ZUP1: variants seen among roughly 807,000 people sequenced by gnomAD.
ZUP1 encodes zinc finger containing ubiquitin peptidase 1.
In ZUP1, 55 loss-of-function variants were observed where a neutral mutation model predicts 68.1. That is an observed-to-expected ratio of 0.81 (90% CI 0.65 to 1.01). The LOEUF is 1.01. ZUP1 is among the 50% of genes least tolerant of loss of function. ZUP1 has a pLI of 0.00. For synonymous variants in ZUP1, 223 were observed against 221.5 expected, an observed-to-expected ratio of 1.01 and a Z score of -0.06; for missense variants, 684 against 674.9, an observed-to-expected ratio of 1.01 and a Z score of -0.15.
At chr6:116,651,527 T>C (rs756615285) in intron 7 of ZUP1, 45 bp downstream of exon 7, 171 of 1,483,534 alleles carry the variant, frequency 1.2e-4, no homozygotes, top group Middle Eastern at 3.8e-4. Flanking sequence ...AAAACAAAGC[T>C]CCCCGATAAG....
chr6:116,639,044 C>A (rs2115377096), intron 9 of ZUP1, among the ~76,000 whole-genome samples: 1 of 152,382 alleles, frequency 6.6e-6, no homozygotes, highest in South Asian at 2.1e-4. Flanking sequence ...TATCCTGCAC[C>A]TGGCTCGGAG....
chr6:116,654,495 A>C (rs1313792738), intron 5 of ZUP1, among the ~76,000 whole-genome samples: 3 of 152,022 alleles, frequency 2.0e-5, no homozygotes, highest in African/African-American at 7.2e-5. Context: ...TGAAGAAAAC[A>C]TAAAGGTATA....
At chr6:116,653,421 G>T (rs1776573725) in intron 5 of ZUP1, among the ~76,000 whole-genome samples, 1 of 151,786 alleles carries the variant, frequency 6.6e-6, no homozygotes, top group Admixed American at 6.6e-5. Flanking sequence ...AATTCTTTTT[G>T]CTTGAATGAA....
intron 9 of ZUP1, among the ~76,000 whole-genome samples, chr6:116,644,639 T>C (rs1776230022): frequency 6.8e-6 from 1 of 146,642 alleles, no homozygotes. Context: ...AATTGAACAA[T>C]GAGAACACAT....
chr6:116,643,069 A>G (rs1438058151), intron 9 of ZUP1, among the ~76,000 whole-genome samples: 1 of 151,440 alleles, frequency 6.6e-6, no homozygotes, highest in Non-Finnish European at 1.5e-5. Context: ...CCAAATCATG[A>G]GTGAACTCCC....
rs773475871 is a variant in ZUP1 at position 116,635,876 on chromosome 6, T to C, written c.1693A>G (p.Arg565Gly). ...GTAAAGACTTGAGAAGCTTGTCTCC[T>C]GGCCTTGAAAAGAAATTTTAAAAAA... The part of the protein sequence containing the change: ...GALSLEEKLA[R>G]RQASQVFTAE... The change falls in exon 10 of 10, where the codon AGG becomes GGG. Residue 565 changes from arginine (R) to glycine (G), a missense_variant. By Grantham distance (125) the Arg-to-Gly change is moderately radical. Transcript: ENST00000368576. 1 of 1,586,586 alleles carries C rather than the reference T, an allele frequency of 6.3e-7. No homozygotes were observed. The highest frequency in any genetic ancestry group is 8.6e-7 in the Non-Finnish European group (1 of 1,168,524).
intron 8 of ZUP1, among the ~76,000 whole-genome samples, chr6:116,647,148 T>C (rs1776333158): frequency 6.6e-6 from 1 of 152,104 alleles, no homozygotes; most frequent in African/African-American, 2.4e-5. Flanking sequence ...TAATACTCCC[T>C]GCTATTATCA....
rs201464576 is a variant in ZUP1, at chr6:116,641,641, C to T, written c.1689+4073G>A. 1.8e-4 allele frequency among the ~76,000 whole-genome samples: 27 copies of T among 152,128 alleles called. No homozygotes were observed. The South Asian group carries it at 3.1e-3, about 18-fold the overall frequency. ...AAATAAAGATGCTCTTTGAAACCAA[C>T]GAGAACAAAGACACAACATAACACA... On this transcript the variant is annotated intron_variant, in intron 9 of 9. Coordinates refer to ENST00000368576, the MANE Select transcript of ZUP1 (RefSeq NM_145062.3).
intron 9 of ZUP1, among the ~76,000 whole-genome samples, chr6:116,642,313 G>A (rs1197864831): frequency 6.6e-6 from 1 of 152,074 alleles, no homozygotes; most frequent in Non-Finnish European, 1.5e-5. Context: ...AGAAAAAGAG[G>A]GAATCCTCCC....
rs1776612203 is a variant in ZUP1, at chr6:116,654,679, G to A, written c.961+2005C>T. Among the ~76,000 whole-genome samples the A allele has an allele frequency of 7.9e-5, 12 of 151,986 alleles. No individual in the cohort carries two copies. In the South Asian group the frequency reaches 2.5e-3, roughly 31 times the overall value. On this transcript the variant is annotated intron_variant, in intron 5 of 9. Transcript: ENST00000368576. The stretch of plus-strand genomic sequence containing the variant: ...GATATTTGGATTTCATATAACTAAT[G>A]AAAGAATAGTGTTCTGAATACTTAA...
intron 9 of ZUP1, among the ~76,000 whole-genome samples, chr6:116,644,584 C>G (rs1933475769): frequency 6.7e-6 from 1 of 149,862 alleles, no homozygotes; most frequent in African/African-American, 2.5e-5. Context: ...TAAACTATCG[C>G]AAGAACAAAA....
At chr6:116,651,315 T>C (rs977650431) in intron 7 of ZUP1, among the ~76,000 whole-genome samples, 1 of 152,128 alleles carries the variant, frequency 6.6e-6, no homozygotes, top group African/African-American at 2.4e-5. Context: ...AAACAGACTA[T>C]CTGAAACTCA....
At chr6:116,667,644 G>A (rs1325575340) in intron 1 of ZUP1, among the ~76,000 whole-genome samples, 1 of 152,082 alleles carries the variant, frequency 6.6e-6, no homozygotes, top group African/African-American at 2.4e-5. Flanking sequence ...TGTAAACTTA[G>A]AGTCTTACAT....
intron 4 of ZUP1, among the ~76,000 whole-genome samples, 167 bp from the exon 5 acceptor site, chr6:116,657,019 AC>A (rs201024327): frequency 0.027 from 4,115 of 150,926 alleles, 179 homozygotes; most frequent in South Asian, 0.083. Flanking sequence ...ACACACACAC[AC>A]ACACAAAAAA....
In ZUP1 at chr6:116,666,894, G is replaced by T. The variant is rs923215581; in HGVS notation, c.299C>A (p.Pro100Gln). Residue 100 changes from proline to glutamine, a missense_variant, in exon 2 of 10, where the codon CCA becomes CAA. Pro to Gln is a moderately conservative substitution (Grantham distance 76, BLOSUM62 -1). Coordinates refer to ENST00000368576, the MANE Select transcript of ZUP1 (RefSeq NM_145062.3). ...AGTCAGGTTTTGAGCTGAATTTTTT[G>T]GATGATTAGATGCACAACCTGAAAG... Reference protein sequence around the residue: ...SILSGCASNHPKNSAQNLTKD... With the variant: ...SILSGCASNHQKNSAQNLTKD... 4 of 1,610,720 alleles carry T rather than the reference G, an allele frequency of 2.5e-6. No individual in the cohort carries two copies. Among genetic ancestry groups the T allele is most frequent in the Non-Finnish European group, 3.4e-6 (4 of 1,179,024 alleles).
At position 116,664,879 on chromosome 6, in the gene ZUP1, GACACACAC is replaced by G. The variant is rs144584776; in HGVS notation, c.559+1747_559+1754del. 7.5e-5 allele frequency among the ~76,000 whole-genome samples: 11 copies of G among 147,244 alleles called. No individual in the cohort carries two copies. The East Asian group carries it at 8.0e-4, about 11-fold the overall frequency. ...AAATATACACATGTACACAAGTACA[GACACACAC>G]ACACACACACACACACACAATCCAG... On this transcript the variant is annotated intron_variant, in intron 2 of 9. Coordinates refer to ENST00000368576, the MANE Select transcript of ZUP1 (RefSeq NM_145062.3).
chr6:116,668,090 T>C (rs1431909756), intron 1 of ZUP1, among the ~76,000 whole-genome samples: 2 of 152,234 alleles, frequency 1.3e-5, no homozygotes, highest in African/African-American at 4.8e-5. Context: ...CTAAAGACTA[T>C]TTAAAATCAA....
intron 8 of ZUP1, among the ~76,000 whole-genome samples, chr6:116,646,484 G>T (rs935245188): frequency 6.6e-6 from 1 of 152,150 alleles, no homozygotes; most frequent in Non-Finnish European, 1.5e-5. Flanking sequence ...AGACAAACGT[G>T]CCTGTGTTCT....
At position 116,660,805 on chromosome 6, in the gene ZUP1, T is replaced by C; in HGVS notation, c.601A>G (p.Ile201Val). 1.9e-6 allele frequency: 3 copies of C among 1,609,554 alleles called. No individual in the cohort carries two copies. In the South Asian group the frequency reaches 3.3e-5, roughly 18 times the overall value. ...TGAAGAATATGGTAATTTGTACATA[T>C]GAGCCCACACATAGGACAATCATAG... ...PLYDCPMCGL[I>V]CTNYHILQEH... Residue 201 changes from isoleucine (I) to valine (V), a missense_variant, in exon 3 of 10, where the codon ATA (isoleucine) becomes GTA (valine). By Grantham distance (29) the Ile-to-Val change is conservative. Coordinates refer to ENST00000368576, the MANE Select transcript of ZUP1 (RefSeq NM_145062.3).
Sources: gnomAD v4.1 joint callset for allele counts (sites outside exome capture counted in the v4.1 genomes callset) on GRCh38, gnomAD v4.1.1 for gene constraint, MANE v1.5 for transcripts, NCBI Gene and HGNC (gene_info 2026-07-23, HGNC 2026-07-21) for gene names.